ERAP1: variants seen among roughly 807,000 people sequenced by gnomAD.
The protein encoded by ERAP1 is endoplasmic reticulum aminopeptidase 1.
In ERAP1, 86 loss-of-function variants were observed where a neutral mutation model predicts 103.7. The ratio of observed to expected loss-of-function variants is 0.83; its 90% confidence interval spans 0.70 to 0.99. The LOEUF is 0.99. ERAP1 is among the 50% of genes least tolerant of loss of function. The pLI is 0.00. For missense variants in ERAP1, 1,009 were observed against 1,128.4 expected (o/e 0.89, Z 1.52); for synonymous variants, 398 against 402.4 (o/e 0.99, Z 0.13).
intron 13 of ERAP1, chr5:96,785,159 G>C (rs1403757568): frequency 6.4e-6 from 1 of 155,638 alleles, no homozygotes; most frequent in East Asian, 1.9e-4. Context: ...TGAGTTTTAG[G>C]CTTTGGGAGC....
the ERAP1 span, among the ~76,000 whole-genome samples, chr5:96,855,601 C>G: frequency 1.5e-4 from 23 of 152,158 alleles, 1 homozygote; most frequent in African/African-American, 5.6e-4. Context: ...CTTACAGAAA[C>G]CAGGAACTTT....
chr5:96,800,740 G>T, intron 3 of ERAP1, 122 bp downstream of exon 3: 2 of 1,034,002 alleles, frequency 1.9e-6, no homozygotes. Flanking sequence ...TGAAAAGTTA[G>T]TAACGATCTG....
the ERAP1 span, among the ~76,000 whole-genome samples, chr5:96,927,544 T>G: frequency 7.9e-5 from 12 of 152,172 alleles, no homozygotes; most frequent in African/African-American, 2.7e-4. Context: ...TGGAGTGCAG[T>G]GGCGCAATCT....
chr5:96,807,812 T>G (rs1778822238), intron 1 of ERAP1, 48 bp downstream of exon 1: 1 of 983,578 alleles, frequency 1.0e-6, no homozygotes. Flanking sequence ...GGTGCCGCGC[T>G]CTCCTCCCGG....
At chr5:96,871,559 G>T in the ERAP1 span, among the ~76,000 whole-genome samples, 1 of 152,036 alleles carries the variant, frequency 6.6e-6, no homozygotes, top group South Asian at 2.1e-4. Flanking sequence ...AATCACCCTG[G>T]TTTATTTTGC....
intron 18 of ERAP1, among the ~76,000 whole-genome samples, chr5:96,780,181 A>G (rs1480599174): frequency 6.6e-6 from 1 of 152,170 alleles, no homozygotes; most frequent in Non-Finnish European, 1.5e-5. Flanking sequence ...AATTTTCTTC[A>G]AGTCCTAAGG....
intron 15 of ERAP1, 63 bp downstream of exon 15, chr5:96,782,988 A>G (rs1173750368): frequency 6.5e-7 from 1 of 1,530,416 alleles, no homozygotes; most frequent in Non-Finnish European, 9.1e-7. Context: ...GTTTAGTACC[A>G]ATGATGGAAA....
In ERAP1 at chr5:96,781,130, A is replaced by ATGAG. The variant is rs1561666966; in HGVS notation, c.2512_2515dup (p.Ile839ThrfsTer28). On this transcript the variant is annotated frameshift_variant, in exon 17 of 19. Coordinates refer to ENST00000443439, the MANE Select transcript of ERAP1 (RefSeq NM_001040458.3). LOFTEE classifies it high-confidence loss of function. ...TGGGTATCCTACTGGGTTCCTGCCA[A>ATGAG]TGAGTGTAAGAATTTGTGGAAACTC... 4 of 1,613,656 alleles carry ATGAG rather than the reference A, an allele frequency of 2.5e-6. No individual in the cohort carries two copies. In the Admixed American group the frequency reaches 6.7e-5, roughly 27 times the overall value.
the ERAP1 span, among the ~76,000 whole-genome samples, chr5:96,851,903 A>G: frequency 6.6e-6 from 1 of 152,196 alleles, no homozygotes; most frequent in Non-Finnish European, 1.5e-5. Flanking sequence ...ACAAAAGGAA[A>G]AAAACAGGCA....
rs755537548 is a variant in ERAP1, at chr5:96,790,624, A to G, written c.1340T>C (p.Met447Thr). ...GTCAGCACTAAGATACTCCCTTAGC[A>G]TATTCAGAATACAAGCTCCCTGAAA... ...SYDKGACILN[M>T]LREYLSADAF... The change falls in exon 9 of 19, where the codon ATG (methionine) becomes ACG (threonine). Residue 447 changes from methionine (M) to threonine (T), a missense_variant. This residue lies in a region of ERAP1 where 611 missense variants were observed against 651.7 expected (regional missense o/e 0.94). Coordinates refer to ENST00000443439, the MANE Select transcript of ERAP1 (RefSeq NM_001040458.3). 1.9e-6 allele frequency: 3 copies of G among 1,608,428 alleles called. No individual in the cohort carries two copies. The highest frequency in any genetic ancestry group is 2.2e-5 in the East Asian group (1 of 44,852).
chr5:96,875,680 C>T, the ERAP1 span, among the ~76,000 whole-genome samples: 1 of 152,040 alleles, frequency 6.6e-6, no homozygotes, highest in Non-Finnish European at 1.5e-5. Context: ...GGGTGTTTAT[C>T]TGGGGAAAGA....
the ERAP1 span, among the ~76,000 whole-genome samples, chr5:96,835,799 AG>A: frequency 6.6e-6 from 1 of 152,194 alleles, no homozygotes; most frequent in Non-Finnish European, 1.5e-5. Context: ...CAACTGGAGC[AG>A]GGTCTTCAAA....
the ERAP1 span, among the ~76,000 whole-genome samples, chr5:96,834,576 T>A: frequency 6.6e-6 from 1 of 152,202 alleles, no homozygotes; most frequent in Non-Finnish European, 1.5e-5. Flanking sequence ...AACTTTTACC[T>A]GTGGTCTAGT....
rs781657199 is a variant in ERAP1, at chr5:96,780,491, A to G, written c.2602T>C (p.Ser868Pro). 5 of 1,612,722 alleles carry G rather than the reference A, an allele frequency of 3.1e-6. No homozygotes were observed. The change falls in exon 18 of 19, where the codon TCA (serine) becomes CCA (proline). Residue 868 changes from serine to proline, a missense_variant. Ser to Pro is a moderately conservative substitution (Grantham distance 74). This residue lies in a region of ERAP1 where 611 missense variants were observed against 651.7 expected (regional missense o/e 0.94). Transcript: ENST00000443439. ...NKLVQKFELG[S>P]SSIAHMVMGT... ...ATTACCATGTGGGCTATGGAAGATG[A>G]GCCAAGTTCAAACCTAGAGAGGGAA... is the stretch of plus-strand genomic sequence containing the variant.
At chr5:96,929,741 T>C in the ERAP1 span, among the ~76,000 whole-genome samples, 3 of 152,218 alleles carry the variant, frequency 2.0e-5, no homozygotes, top group Non-Finnish European at 4.4e-5. Flanking sequence ...TCAAATATTT[T>C]ACAGAGTTTG....
chr5:96,893,417 G>A, the ERAP1 span, among the ~76,000 whole-genome samples: 3 of 152,178 alleles, frequency 2.0e-5, no homozygotes, highest in Non-Finnish European at 4.4e-5. Context: ...GTTACACAGA[G>A]AGCCATGCTC....
At chr5:96,811,510 T>A (rs1443091787), upstream of ERAP1, among the ~76,000 whole-genome samples, 3 of 152,230 alleles carry the variant, frequency 2.0e-5, no homozygotes, top group Admixed American at 2.0e-4. Context: ...ACAGCAGGGC[T>A]GACAGAGACA....
upstream of ERAP1, among the ~76,000 whole-genome samples, chr5:96,808,688 G>A (rs773766485): frequency 9.9e-5 from 15 of 152,160 alleles, no homozygotes; most frequent in Non-Finnish European, 2.1e-4. Flanking sequence ...CAAAGTAAAT[G>A]ACCATTTCTT....
chr5:96,790,218 T>C, intron 10 of ERAP1, 78 bp downstream of exon 10: 3 of 1,290,280 alleles, frequency 2.3e-6, no homozygotes, highest in Admixed American at 1.8e-5. Flanking sequence ...CTCAGAAAGT[T>C]TGGCACAGAG....
Sources: allele counts gnomAD v4.1 joint callset (sites outside exome capture counted in the v4.1 genomes callset), GRCh38; gene constraint gnomAD v4.1.1; regional missense constraint gnomAD v4.1.1; transcripts MANE v1.5; gene names NCBI Gene and HGNC (gene_info 2026-07-23, HGNC 2026-07-21).